The following TMX2 variants were observed in gnomAD, a reference collection of about 807,000 sequenced individuals.
The protein encoded by TMX2 is thioredoxin related transmembrane protein 2.
In TMX2, 20 loss-of-function variants were observed where a neutral mutation model predicts 33.4. The observed-to-expected ratio is 0.60, with a 90% CI of 0.42 to 0.87. The LOEUF (loss-of-function observed/expected upper bound fraction) is 0.87. Among genes scored for constraint, TMX2 ranks in the 40% least tolerant of loss-of-function variants. TMX2 has a pLI of 0.00. For missense variants in TMX2, 340 were observed against 370.7 expected (o/e 0.92, Z 0.68); for synonymous variants, 166 against 140.7 (o/e 1.18, Z -1.27).
At chr11:57,736,091 C>T (rs577801852) in intron 1 of TMX2, among the ~76,000 whole-genome samples, 20 of 152,120 alleles carry the variant, frequency 1.3e-4, no homozygotes, top group Admixed American at 6.5e-4. Flanking sequence ...CTGTTATGGC[C>T]GAGAACTCAG....
chr11:57,733,789 T>C (rs1565229911), intron 1 of TMX2, among the ~76,000 whole-genome samples: 1 of 152,260 alleles, frequency 6.6e-6, no homozygotes, highest in South Asian at 2.1e-4. Flanking sequence ...CTCTGCATTA[T>C]AGAGTCATCC....
At chr11:57,727,370 A>T (rs1467496825) in intron 1 of TMX2, among the ~76,000 whole-genome samples, 1 of 152,100 alleles carries the variant, frequency 6.6e-6, no homozygotes, top group Non-Finnish European at 1.5e-5. Context: ...GAGGTTTCCT[A>T]GCACGTTGGG....
At chr11:57,725,053 A>G (rs1947888089) in intron 1 of TMX2, among the ~76,000 whole-genome samples, 1 of 149,380 alleles carries the variant, frequency 6.7e-6, no homozygotes, top group African/African-American at 2.5e-5. Flanking sequence ...AAAAAAAAAA[A>G]AAGAAAGAAA....
chr11:57,738,562 C>T (rs901184342), intron 4 of TMX2, 102 bp from the exon 5 acceptor site: 30 of 1,247,008 alleles, frequency 2.4e-5, no homozygotes, highest in African/African-American at 3.0e-5. Flanking sequence ...TTATGAGAGC[C>T]GGGGGAGAGG....
At chr11:57,723,498 A>T (rs1308398622) in intron 1 of TMX2, among the ~76,000 whole-genome samples, 1 of 136,958 alleles carries the variant, frequency 7.3e-6, no homozygotes, top group South Asian at 2.3e-4. Flanking sequence ...AAAAAAATTC[A>T]TCGCAAAAAA....
chr11:57,717,718 A>AGGGAGAG (rs1170676238), intron 1 of TMX2, among the ~76,000 whole-genome samples: 10 of 15,694 alleles, frequency 6.4e-4, no homozygotes, highest in Non-Finnish European at 8.5e-4. Flanking sequence ...GGAGACCGAG[A>AGGGAGAG]GGGAGAGGGG....
At chr11:57,716,588 G>T (rs1338753088) in intron 1 of TMX2, among the ~76,000 whole-genome samples, 9 of 120,678 alleles carry the variant, frequency 7.5e-5, no homozygotes, top group South Asian at 2.8e-4. Flanking sequence ...CCTCCCTCCC[G>T]GACGGGGCGG....
At chr11:57,723,540 C>T (rs553628316) in intron 1 of TMX2, among the ~76,000 whole-genome samples, 7 of 150,396 alleles carry the variant, frequency 4.7e-5, no homozygotes, top group East Asian at 2.0e-4. Flanking sequence ...AAGTGGCTCA[C>T]GCCTGTAATC....
chr11:57,734,466 A>C (rs189787021), intron 1 of TMX2, among the ~76,000 whole-genome samples: 1 of 152,226 alleles, frequency 6.6e-6, no homozygotes, highest in East Asian at 1.9e-4. Flanking sequence ...TTCATCTTTC[A>C]GCCAGGCACA....
rs780955897 is a variant in TMX2, at chr11:57,712,614, A to G, written c.-5A>G. The G allele has an allele frequency of 6.2e-7, 1 of 1,608,376 alleles. No individual in the cohort carries two copies. The highest frequency in any genetic ancestry group is 1.1e-5 in the South Asian group (1 of 90,570). ...CGGCGAGCAGTGGCCGTTACGGCCG[A>G]AAAGATGGCGGTCTTGGCACCTCTA... On this transcript the variant is annotated 5_prime_UTR_variant, in exon 1 of 8. Transcript: ENST00000278422.
chr11:57,717,667 C>T (rs28479358), intron 1 of TMX2, among the ~76,000 whole-genome samples: 38,230 of 137,092 alleles, frequency 0.28, 5,932 homozygotes, highest in East Asian at 0.78. Flanking sequence ...AGTCCAGCTT[C>T]GGCTCGGCAT....
chr11:57,737,987 G>T lies in TMX2; in HGVS notation c.325G>T (p.Asp109Tyr), dbSNP rs765394661. ...CAACACAATTCTTTTCTTCCGCTTGGATATTCGCATGGGCCTACTTTACAT... is the reference window on the plus strand; with the variant it reads ...CAACACAATTCTTTTCTTCCGCTTGTATATTCGCATGGGCCTACTTTACAT... Reference protein sequence around the residue: ...VANTILFFRLDIRMGLLYITL... With the variant: ...VANTILFFRLYIRMGLLYITL... Residue 109 changes from aspartate (D) to tyrosine (Y), a missense_variant, in exon 3 of 8, where the codon GAT (aspartate) becomes TAT (tyrosine). Asp to Tyr is a radical substitution (Grantham distance 160, BLOSUM62 -3). Around this residue, in one of 3 missense-constraint regions of TMX2, gnomAD observed 209 missense variants for 241.6 expected, o/e 0.87. Transcript: ENST00000278422. The T allele has an allele frequency of 4.3e-6, 7 of 1,613,838 alleles. No homozygotes were observed. In the Admixed American group the frequency reaches 1.0e-4, roughly 23 times the overall value.
At position 57,719,514 on chromosome 11, in the gene TMX2, CTTTTTTTTT is replaced by C. The variant is rs1183104624; in HGVS notation, c.189+6723_189+6731del. ...AATGTAAAATTTCTTTTTTCTTTGT[CTTTTTTTTT>C]TTTTTTTTTTTTTTTGAGACAGGGT... On this transcript the variant is annotated intron_variant, in intron 1 of 7. Transcript: ENST00000278422. Among the ~76,000 whole-genome samples, 19 of 70,510 alleles carry C rather than the reference CTTTTTTTTT, an allele frequency of 2.7e-4. No homozygotes were observed. In the East Asian group the frequency reaches 5.5e-3, roughly 21 times the overall value. 46.3% of individuals were successfully genotyped at this position (70,510 alleles called of 152,430 possible).
intron 1 of TMX2, chr11:57,718,449 C>A: frequency 8.9e-7 from 1 of 1,128,640 alleles, no homozygotes; most frequent in Non-Finnish European, 1.3e-6. Flanking sequence ...GTCTTTGGAA[C>A]CTTGTCTGCA....
intron 1 of TMX2, among the ~76,000 whole-genome samples, chr11:57,715,197 C>T (rs979512320): frequency 4.0e-5 from 6 of 151,828 alleles, no homozygotes; most frequent in African/African-American, 9.7e-5. Context: ...CTCAGGAGTT[C>T]GAGACCAGCC....
At chr11:57,713,650 A>G (rs1198929495) in intron 1 of TMX2, among the ~76,000 whole-genome samples, 1 of 152,226 alleles carries the variant, frequency 6.6e-6, no homozygotes, top group African/African-American at 2.4e-5. Context: ...GGAGAAAGGC[A>G]TAGAAATTTT....
At chr11:57,715,538 CAAGAT>C (rs1418828044) in intron 1 of TMX2, among the ~76,000 whole-genome samples, 4 of 149,076 alleles carry the variant, frequency 2.7e-5, no homozygotes, top group Non-Finnish European at 4.4e-5. Context: ...TTTGACTAGA[CAAGAT>C]AAAATTTCCA....
chr11:57,716,986 C>T (rs535910081), intron 1 of TMX2, among the ~76,000 whole-genome samples: 4 of 145,888 alleles, frequency 2.7e-5, no homozygotes, highest in South Asian at 2.2e-4. Flanking sequence ...ACTTCTCAGA[C>T]GGGGCGGCTG....
chr11:57,725,051 AAAAAGAAAGAAAAGAAAAG>A (rs1947887739), intron 1 of TMX2, among the ~76,000 whole-genome samples: 2 of 151,586 alleles, frequency 1.3e-5, no homozygotes, highest in Non-Finnish European at 2.9e-5. Flanking sequence ...AAAAAAAAAA[AAAAAGAAAGAAAAGAAAAG>A]AAAATGGGTT....
Sources: allele counts gnomAD v4.1 joint callset (sites outside exome capture counted in the v4.1 genomes callset), GRCh38; gene constraint gnomAD v4.1.1; regional missense constraint gnomAD v4.1.1; transcripts MANE v1.5; gene names NCBI Gene and HGNC (gene_info 2026-07-23, HGNC 2026-07-21).